DNAAF3: variants seen among roughly 807,000 people sequenced by gnomAD.
DNAAF3 encodes dynein axonemal assembly factor 3.
Under a neutral mutation model 50.9 loss-of-function variants are expected in DNAAF3, and 40 were observed. That is an observed-to-expected ratio of 0.79 (90% CI 0.61 to 1.02). The LOEUF (loss-of-function observed/expected upper bound fraction) is 1.02, where lower values mean the gene tolerates loss of function less well. Among genes scored for constraint, DNAAF3 ranks in the 50% least tolerant of loss-of-function variants. The pLI, the probability that DNAAF3 is intolerant of heterozygous loss-of-function variation, is 0.00. For synonymous variants in DNAAF3, 327 were observed against 322.8 expected, an observed-to-expected ratio of 1.01 and a Z score of -0.14; for missense variants, 763 against 744.7, an observed-to-expected ratio of 1.02 and a Z score of -0.29.
chr19:55,160,670 C>G lies in DNAAF3; in HGVS notation c.1018G>C (p.Ala340Pro). 1 of 1,613,962 alleles carries G rather than the reference C, an allele frequency of 6.2e-7. No homozygotes were observed. The highest frequency in any genetic ancestry group is 8.5e-7 in the Non-Finnish European group (1 of 1,179,970). The change falls in exon 9 of 12, where the codon GCG becomes CCG. Residue 340 changes from alanine (A) to proline (P), a missense_variant. By Grantham distance (27) the Ala-to-Pro change is conservative. Coordinates refer to ENST00000524407, the MANE Select transcript of DNAAF3 (RefSeq NM_001256715.2). This position sits in a 1 kb window ranked among gnomAD's most constrained non-coding sequence, Gnocchi z 4.7. ...GTCCCTGGCTCCGGGCTTCCCTCCGCGTGCTGCTGCTCCTCCAGGTCCCCC... is the reference window on the plus strand; with the variant it reads ...GTCCCTGGCTCCGGGCTTCCCTCCGGGTGCTGCTGCTCCTCCAGGTCCCCC... ...TGGDLEEQQH[A>P]EGSPEPGTPA...
In DNAAF3 at chr19:55,160,777, T is replaced by G; in HGVS notation, c.913-2A>C. 6.2e-7 allele frequency: 1 copy of G among 1,608,780 alleles called. No homozygotes were observed. Among genetic ancestry groups the G allele is most frequent in the Non-Finnish European group, 8.5e-7 (1 of 1,179,222 alleles). ...GTGTTGAGTGATCTCCCCGGCCGTC[T>G]AACAGTAGAAGGGGCGTGGCCAGAC... On this transcript the variant is annotated splice_acceptor_variant, in intron 8 of 11. Coordinates refer to ENST00000524407, the MANE Select transcript of DNAAF3 (RefSeq NM_001256715.2). LOFTEE classifies it high-confidence loss of function. This position sits in a 1 kb window ranked among gnomAD's most constrained non-coding sequence, Gnocchi z 4.7.
At chr19:55,162,027 G>C (rs2085845754) in intron 5 of DNAAF3, 106 bp downstream of exon 5, 2 of 1,345,014 alleles carry the variant, frequency 1.5e-6, no homozygotes, top group Admixed American at 3.6e-5. Flanking sequence ...ACTGGGATTC[G>C]AACCCCCTAG....
rs765449334 is a variant in DNAAF3, at chr19:55,161,848, G to A, written c.481-23C>T. 1.4e-6 allele frequency: 2 copies of A among 1,425,822 alleles called. No individual in the cohort carries two copies. 88.3% of individuals were successfully genotyped at this position (1,425,822 alleles called of 1,614,324 possible). On this transcript the variant is annotated intron_variant, in intron 5 of 11. Coordinates refer to ENST00000524407, the MANE Select transcript of DNAAF3 (RefSeq NM_001256715.2). This position sits in a 1 kb window ranked among gnomAD's most constrained non-coding sequence, Gnocchi z 6.4. ...GAACTGCGGGGCCAGGCACGCGGTGGGACAGAGGAAGGCAGAGAGGGATGC... is the reference window on the plus strand; with the variant it reads ...GAACTGCGGGGCCAGGCACGCGGTGAGACAGAGGAAGGCAGAGAGGGATGC...
Position 55,158,986 on chromosome 19 carries a change from T to C in DNAAF3, c.*76A>G. 1 of 1,481,996 alleles carries C rather than the reference T, an allele frequency of 6.7e-7. No individual in the cohort carries two copies. Among genetic ancestry groups the C allele is most frequent in the Non-Finnish European group, 9.0e-7 (1 of 1,106,874 alleles). The allele number at this position is 1,481,996 out of a possible 1,614,324, so 91.8% of individuals were successfully genotyped here. Reference sequence around the variant, plus strand: ...AAAATTGAGGACTCTAGCAGCGGACTTAGAATGGTATCAGCGGGTTCTCAT... The same window carrying C: ...AAAATTGAGGACTCTAGCAGCGGACCTAGAATGGTATCAGCGGGTTCTCAT... On this transcript the variant is annotated 3_prime_UTR_variant, in exon 12 of 12. Coordinates refer to ENST00000524407, the MANE Select transcript of DNAAF3 (RefSeq NM_001256715.2).
In DNAAF3 at chr19:55,160,712, G is replaced by A. The variant is rs2085807921; in HGVS notation, c.976C>T (p.Arg326Cys). Residue 326 changes from arginine to cysteine, a missense_variant, in exon 9 of 12, where the codon CGC becomes TGC. Coordinates refer to ENST00000524407, the MANE Select transcript of DNAAF3 (RefSeq NM_001256715.2). This position sits in a 1 kb window ranked among gnomAD's most constrained non-coding sequence, Gnocchi z 4.7. Reference sequence around the variant, plus strand: ...AGGTCCCCCCCGGTGGCTCTCGCGCGCCCCCAGGCGGCCACGTCGCGGAGC... The same window carrying A: ...AGGTCCCCCCCGGTGGCTCTCGCGCACCCCCAGGCGGCCACGTCGCGGAGC... ...ELLRDVAAWGRARATGGDLEE... is the reference protein window; with the variant it reads ...ELLRDVAAWGCARATGGDLEE... 6.2e-7 allele frequency: 1 copy of A among 1,613,228 alleles called. No individual in the cohort carries two copies. Among genetic ancestry groups the A allele is most frequent in the Admixed American group, 1.7e-5 (1 of 59,994 alleles).
chr19:55,163,572 G>A lies in DNAAF3; in HGVS notation c.323-1282C>T, dbSNP rs543876069. Among the ~76,000 whole-genome samples the A allele has an allele frequency of 9.2e-5, 14 of 152,230 alleles. 1 individual carries two copies. Among genetic ancestry groups the A allele is most frequent in the Non-Finnish European group, 1.5e-4 (10 of 68,022 alleles). On this transcript the variant is annotated intron_variant, in intron 4 of 11. Coordinates refer to ENST00000524407, the MANE Select transcript of DNAAF3 (RefSeq NM_001256715.2). ...CTCCCAAAGTGTTAGGATTACAGGC[G>A]TGAGCCACCGCCCCTGGCAATACTA...
intron 4 of DNAAF3, chr19:55,162,511 C>CAG (rs1381524897): frequency 1.3e-6 from 1 of 798,772 alleles, no homozygotes. Flanking sequence ...CGCTTGAACC[C>CAG]GGAGGCGGAG....
Position 55,160,643 on chromosome 19 carries a change from G to C in DNAAF3, c.1045C>G (p.Pro349Ala). The C allele has an allele frequency of 6.2e-7, 1 of 1,613,448 alleles. No homozygotes were observed. Among genetic ancestry groups the C allele is most frequent in the Non-Finnish European group, 8.5e-7 (1 of 1,179,896 alleles). Residue 349 changes from proline (P) to alanine (A), a missense_variant, in exon 9 of 12, where the codon CCA (proline) becomes GCA (alanine). Pro to Ala is a conservative substitution (Grantham distance 27). Transcript: ENST00000524407. The surrounding 1 kb of genome is among the most constrained non-coding windows in gnomAD (Gnocchi z 4.7). Reference sequence around the variant, plus strand: ...CCTGTTGTTGTCCCTGGCTTACCTGGAGTCCCTGGCTCCGGGCTTCCCTCC... The same window carrying C: ...CCTGTTGTTGTCCCTGGCTTACCTGCAGTCCCTGGCTCCGGGCTTCCCTCC... Reference protein sequence around the residue: ...HAEGSPEPGTPAAPTPESFTV... With the variant: ...HAEGSPEPGTAAAPTPESFTV...
rs757597159 is a variant in DNAAF3 at position 55,162,128 on chromosome 19, G to A, written c.480+5C>T. 1.3e-5 allele frequency: 16 copies of A among 1,247,204 alleles called. No homozygotes were observed. The East Asian group carries it at 4.7e-4, about 37-fold the overall frequency. 77.3% of individuals were successfully genotyped at this position (1,247,204 alleles called of 1,614,324 possible). On this transcript the variant is annotated splice_donor_5th_base_variant and intron_variant, in intron 5 of 11. Coordinates refer to ENST00000524407, the MANE Select transcript of DNAAF3 (RefSeq NM_001256715.2). ...CGATCCCAGATGGAGGCCGGGCGGC[G>A]GCACCTTGAGGGCGCGGAGGCTGAG...
chr19:55,161,025 C>T lies in DNAAF3; in HGVS notation c.912+40G>A. ...GGGGCCTTGCGCACCCACCGACCCC[C>T]AGCCCCACCTCTACCCCCAGTCCCA... On this transcript the variant is annotated intron_variant, in intron 8 of 11. Coordinates refer to ENST00000524407, the MANE Select transcript of DNAAF3 (RefSeq NM_001256715.2). This position sits in a 1 kb window ranked among gnomAD's most constrained non-coding sequence, Gnocchi z 6.4. The T allele has an allele frequency of 6.6e-7, 1 of 1,507,704 alleles. No individual in the cohort carries two copies. The highest frequency in any genetic ancestry group is 1.2e-5 in the South Asian group (1 of 80,980). The allele number at this position is 1,507,704 out of a possible 1,614,324, so 93.4% of individuals were successfully genotyped here. A position where few individuals can be genotyped will look rare whatever the true frequency, so the allele number is the denominator to read the frequency against.
Position 55,160,501 on chromosome 19 carries a change from G to T in DNAAF3, c.1048+139C>A. Reference sequence around the variant, plus strand: ...GCATGCTCTCAGAATTTAGGAAAGGGAGAGAAAGAGAGAAAAAGAGACAGA... The same window carrying T: ...GCATGCTCTCAGAATTTAGGAAAGGTAGAGAAAGAGAGAAAAAGAGACAGA... On this transcript the variant is annotated intron_variant, in intron 9 of 11. Transcript: ENST00000524407. This position sits in a 1 kb window ranked among gnomAD's most constrained non-coding sequence, Gnocchi z 4.7. 1 of 1,415,818 alleles carries T rather than the reference G, an allele frequency of 7.1e-7. No homozygotes were observed. The highest frequency in any genetic ancestry group is 9.7e-7 in the Non-Finnish European group (1 of 1,031,828). 87.7% of individuals were successfully genotyped at this position (1,415,818 alleles called of 1,614,324 possible). A position where few individuals can be genotyped will look rare whatever the true frequency, so the allele number is the denominator to read the frequency against.
chr19:55,165,767 C>G (rs1397784660), intron 3 of DNAAF3, 91 bp downstream of exon 3: 1 of 1,539,758 alleles, frequency 6.5e-7, no homozygotes, highest in Non-Finnish European at 8.8e-7. Flanking sequence ...GTCTCCAGCC[C>G]CTTCATTCCT....
intron 3 of DNAAF3, 72 bp from the exon 4 acceptor site, chr19:55,165,535 G>T: frequency 1.4e-6 from 2 of 1,448,120 alleles, no homozygotes; most frequent in Non-Finnish European, 9.6e-7. Flanking sequence ...AGGAGAGCAG[G>T]CCCTCAGCTC....
intron 4 of DNAAF3, chr19:55,162,765 G>A (rs2085860587): frequency 1.2e-6 from 1 of 842,894 alleles, no homozygotes; most frequent in Non-Finnish European, 1.4e-6. Flanking sequence ...ATCTAGAGAT[G>A]ATTTGCGGTG....
Position 55,161,532 on chromosome 19 carries a change from C to T in DNAAF3, c.663+111G>A. 6.7e-7 allele frequency: 1 copy of T among 1,484,810 alleles called. No individual in the cohort carries two copies. Among genetic ancestry groups the T allele is most frequent in the South Asian group, 1.4e-5 (1 of 73,716 alleles). 92.0% of individuals were successfully genotyped at this position (1,484,810 alleles called of 1,614,324 possible). A position where few individuals can be genotyped will look rare whatever the true frequency, so the allele number is the denominator to read the frequency against. The stretch of plus-strand genomic sequence containing the variant: ...GGTCCCCAGGCCCTCCTCCCTCAGA[C>T]CCAGGAGTTCAGGCCCCCAAACCCT... On this transcript the variant is annotated intron_variant, in intron 6 of 11. Transcript: ENST00000524407. The surrounding 1 kb of genome is among the most constrained non-coding windows in gnomAD (Gnocchi z 6.4).
intron 10 of DNAAF3, 26 bp downstream of exon 10, chr19:55,159,873 G>C: frequency 6.2e-7 from 1 of 1,610,062 alleles, no homozygotes; most frequent in Non-Finnish European, 8.5e-7. Context: ...CTGGGTCTTT[G>C]TGAGCACAGC....
chr19:55,162,459 C>T (rs1239489340), intron 4 of DNAAF3, 169 bp from the exon 5 acceptor site: 29 of 910,668 alleles, frequency 3.2e-5, no homozygotes, highest in Non-Finnish European at 4.1e-5. Flanking sequence ...TGGTGGCGGG[C>T]GCCTGTAATC....
chr19:55,161,718 G>T lies in DNAAF3; in HGVS notation c.588C>A (p.His196Gln). The change falls in exon 6 of 12, where the codon CAC (histidine) becomes CAA (glutamine). Residue 196 changes from histidine to glutamine, a missense_variant. Coordinates refer to ENST00000524407, the MANE Select transcript of DNAAF3 (RefSeq NM_001256715.2). The surrounding 1 kb of genome is among the most constrained non-coding windows in gnomAD (Gnocchi z 6.4). Reference sequence around the variant, plus strand: ...GGGCGTCGTAGCGGGAGCCCAGGTAGTGGCGCAGGCGCGAGTCCCAGAGGC... The same window carrying T: ...GGGCGTCGTAGCGGGAGCCCAGGTATTGGCGCAGGCGCGAGTCCCAGAGGC... ...MSRLWDSRLR[H>Q]YLGSRYDARR... 6.5e-7 allele frequency: 1 copy of T among 1,541,404 alleles called. No individual in the cohort carries two copies. Among genetic ancestry groups the T allele is most frequent in the Middle Eastern group, 2.3e-4 (1 of 4,440 alleles).
chr19:55,166,387 G>A lies in DNAAF3; in HGVS notation c.27C>T (p.Ser9=), dbSNP rs1202876840. ...CCCACCAGGACACGGAGCCGAAGCC[G>A]CTGCCGGAGCCGGCAGGTGTGGTCA... MTTPAGSG[S]GFGSVSWWGL... Residue 9 remains serine (S), a synonymous_variant, in exon 2 of 12, where the codon AGC becomes AGT. Transcript: ENST00000524407. The surrounding 1 kb of genome is among the most constrained non-coding windows in gnomAD (Gnocchi z 4.0). 13 of 1,613,726 alleles carry A rather than the reference G, an allele frequency of 8.1e-6. No homozygotes were observed. In the Admixed American group the frequency reaches 1.8e-4, roughly 23 times the overall value.
Sources: allele counts gnomAD v4.1 joint callset (sites outside exome capture counted in the v4.1 genomes callset), GRCh38; gene constraint gnomAD v4.1.1; non-coding constraint Gnocchi (gnomAD v3.1); transcripts MANE v1.5; gene names NCBI Gene and HGNC (gene_info 2026-07-23, HGNC 2026-07-21).